PTPRD: variants seen among roughly 807,000 people sequenced by gnomAD.
PTPRD encodes protein tyrosine phosphatase receptor type D, also known as receptor-type tyrosine-protein phosphatase delta.
In PTPRD, 34 loss-of-function variants were observed where a neutral mutation model predicts 214.5. The observed-to-expected ratio is 0.16, with a 90% confidence interval of 0.12 to 0.21. PTPRD has a LOEUF of 0.21. Ranked by LOEUF, PTPRD falls within the 10% of genes least tolerant of loss-of-function variation. The pLI, the probability that PTPRD is intolerant of heterozygous loss-of-function variation, is 1.00. For synonymous variants in PTPRD, 1,128 were observed against 845.7 expected, an observed-to-expected ratio of 1.33 and a Z score of -5.79; for missense variants, 2,545 against 2,398.7, an observed-to-expected ratio of 1.06 and a Z score of -1.27.
chr9:8,566,051 C>A (rs1371468097), intron 14 of PTPRD, among the ~76,000 whole-genome samples: 1 of 150,228 alleles, frequency 6.7e-6, no homozygotes, highest in Non-Finnish European at 1.5e-5. Context: ...ACCAGTGGAA[C>A]AGAAACTGAA....
chr9:10,593,813 TG>T (rs2076049691), intron 2 of PTPRD, among the ~76,000 whole-genome samples: 2 of 152,006 alleles, frequency 1.3e-5, no homozygotes, highest in South Asian at 4.1e-4. Flanking sequence ...TTTGTAACCT[TG>T]AAAAAAATGT....
At chr9:9,376,897 G>A (rs2060943802) in intron 9 of PTPRD, among the ~76,000 whole-genome samples, 4 of 151,656 alleles carry the variant, frequency 2.6e-5, no homozygotes, top group African/African-American at 9.7e-5. Flanking sequence ...CATCTTAATA[G>A]ACACTAAGAA....
At chr9:9,218,977 G>C (rs976445950) in intron 9 of PTPRD, among the ~76,000 whole-genome samples, 2 of 151,994 alleles carry the variant, frequency 1.3e-5, no homozygotes, top group Admixed American at 6.6e-5. Flanking sequence ...AAAATAAAAA[G>C]CATAAGCATC....
intron 14 of PTPRD, among the ~76,000 whole-genome samples, chr9:8,557,759 A>T (rs1248770142): frequency 4.3e-5 from 6 of 140,330 alleles, no homozygotes; most frequent in Non-Finnish European, 9.0e-5. Context: ...AAAAAAAAAA[A>T]AAAAAAAAGA....
chr9:9,814,405 A>G (rs997612888), intron 5 of PTPRD, among the ~76,000 whole-genome samples: 4 of 152,112 alleles, frequency 2.6e-5, no homozygotes, highest in African/African-American at 9.7e-5. Flanking sequence ...ACCCCCCACT[A>G]TAAAACCGTT....
intron 11 of PTPRD, among the ~76,000 whole-genome samples, chr9:8,923,665 T>A (rs1442208695): frequency 6.6e-6 from 1 of 152,192 alleles, no homozygotes; most frequent in African/African-American, 2.4e-5. Context: ...AGTTTAACAA[T>A]CTTAAATCTC....
At chr9:9,962,012 T>G (rs2094398523) in intron 4 of PTPRD, among the ~76,000 whole-genome samples, 1 of 152,100 alleles carries the variant, frequency 6.6e-6, no homozygotes. Context: ...AGAAAATAAC[T>G]TAGAATCAGG....
intron 10 of PTPRD, among the ~76,000 whole-genome samples, chr9:9,041,717 G>A (rs2099640438): frequency 6.6e-6 from 1 of 152,114 alleles, no homozygotes; most frequent in South Asian, 2.1e-4. Flanking sequence ...AGCACTGGAA[G>A]GCATCTCTAA....
At chr9:8,328,188 C>T (rs11543915) in intron 44 of PTPRD, among the ~76,000 whole-genome samples, 76,638 of 152,042 alleles carry the variant, frequency 0.5, 23,448 homozygotes, top group African/African-American at 0.85. Flanking sequence ...GTGCTTCCTT[C>T]AGGAGCTCTT....
chr9:8,934,464 AATATATATATATAAATAT>A (rs1567099202), intron 11 of PTPRD, among the ~76,000 whole-genome samples: 60 of 11,046 alleles, frequency 5.4e-3, no homozygotes, highest in Middle Eastern at 0.083. Flanking sequence ...TATATATATA[AATATATATATATAAATAT>A]ATATATATAT....
chr9:10,288,253 AACCACC>A (rs2095423880), intron 3 of PTPRD, among the ~76,000 whole-genome samples: 1 of 151,934 alleles, frequency 6.6e-6, no homozygotes, highest in South Asian at 2.1e-4. Context: ...AAGCTTCCAT[AACCACC>A]AAGAAAAGCA....
At chr9:10,075,784 A>T (rs2098123111) in intron 3 of PTPRD, among the ~76,000 whole-genome samples, 1 of 152,032 alleles carries the variant, frequency 6.6e-6, no homozygotes, top group African/African-American at 2.4e-5. Context: ...GTCTACCTTA[A>T]ATTTTAAACA....
intron 3 of PTPRD, among the ~76,000 whole-genome samples, chr9:10,273,994 T>C (rs1564937484): frequency 2.0e-5 from 3 of 152,130 alleles, no homozygotes; most frequent in Non-Finnish European, 4.4e-5. Context: ...TGTCACAAGA[T>C]GGACATACTA....
intron 10 of PTPRD, among the ~76,000 whole-genome samples, chr9:9,122,282 C>G (rs1265102888): frequency 1.3e-5 from 2 of 152,098 alleles, no homozygotes; most frequent in South Asian, 4.1e-4. Flanking sequence ...AAAGACACAC[C>G]TATATGGGAG....
chr9:8,376,580 G>T, intron 38 of PTPRD, 27 bp downstream of exon 38: 1 of 1,611,916 alleles, frequency 6.2e-7, no homozygotes. Context: ...AGAAGGGAAA[G>T]GGAGGAGAAA....
chr9:10,351,897 T>C (rs893650233), intron 2 of PTPRD, among the ~76,000 whole-genome samples: 3 of 152,002 alleles, frequency 2.0e-5, no homozygotes, highest in Non-Finnish European at 4.4e-5. Flanking sequence ...TGGGCATAGA[T>C]GTGTTAGCAA....
At chr9:8,912,975 T>C (rs1469743247) in intron 11 of PTPRD, among the ~76,000 whole-genome samples, 2 of 152,178 alleles carry the variant, frequency 1.3e-5, no homozygotes, top group Non-Finnish European at 2.9e-5. Flanking sequence ...ATTATAATGA[T>C]GATGATTCTT....
intron 11 of PTPRD, among the ~76,000 whole-genome samples, chr9:8,748,522 C>CAAAAAAAAAAAAAAAAAAAAAA (rs1239091825): frequency 1.6e-4 from 6 of 37,718 alleles, no homozygotes; most frequent in Non-Finnish European, 1.8e-4. Flanking sequence ...CCTGCAACTG[C>CAAAAAAAAAAAAAAAAAAAAAA]AAAAAAAAAA....
intron 9 of PTPRD, among the ~76,000 whole-genome samples, chr9:9,291,794 TC>T (rs1951228479): frequency 1.4e-5 from 1 of 70,888 alleles, no homozygotes; most frequent in Non-Finnish European, 3.1e-5. Flanking sequence ...ATATTTTCTC[TC>T]TTTTTTTAGG....
Sources: gnomAD v4.1 joint callset for allele counts (sites outside exome capture counted in the v4.1 genomes callset) on GRCh38, gnomAD v4.1.1 for gene constraint, MANE v1.5 for transcripts, NCBI Gene and HGNC (gene_info 2026-07-23, HGNC 2026-07-21) for gene names.